Variants in PCCA observed in about 807,000 individuals in gnomAD.
The protein encoded by PCCA is propionyl-CoA carboxylase alpha chain, mitochondrial.
Under a neutral mutation model 101.3 loss-of-function variants are expected in PCCA, and 74 were observed. The observed-to-expected ratio is 0.73, with a 90% confidence interval of 0.61 to 0.89. The LOEUF is 0.89. Among genes scored for constraint, PCCA ranks in the 40% least tolerant of loss-of-function variants. PCCA has a pLI of 0.00. For missense variants in PCCA, 891 were observed against 907.0 expected (o/e 0.98, Z 0.23); for synonymous variants, 294 against 313.6 (o/e 0.94, Z 0.66).
chr13:100,360,169 C>G (rs972604386), intron 18 of PCCA, among the ~76,000 whole-genome samples: 1 of 151,680 alleles, frequency 6.6e-6, no homozygotes, highest in African/African-American at 2.4e-5. Flanking sequence ...GCAGGGAAAC[C>G]CCCCCCTTTT....
chr13:100,227,627 G>GT (rs1159620929), intron 7 of PCCA, among the ~76,000 whole-genome samples: 2 of 152,122 alleles, frequency 1.3e-5, no homozygotes, highest in African/African-American at 4.8e-5. Context: ...TTTTGGCATT[G>GT]TATTCTTAGT....
At chr13:100,339,171 G>T (rs914826751) in intron 17 of PCCA, among the ~76,000 whole-genome samples, 2 of 151,996 alleles carry the variant, frequency 1.3e-5, no homozygotes, top group Admixed American at 6.6e-5. Flanking sequence ...CAATGTAAAT[G>T]CTGTGTAAAT....
chr13:100,199,618 CATA>C (rs2058348871), intron 6 of PCCA, among the ~76,000 whole-genome samples: 1 of 152,176 alleles, frequency 6.6e-6, no homozygotes, highest in Non-Finnish European at 1.5e-5. Context: ...ATAGGAGGCA[CATA>C]ATGTCTTTTT....
chr13:100,196,485 T>C (rs1209221110), intron 6 of PCCA, among the ~76,000 whole-genome samples: 1 of 152,198 alleles, frequency 6.6e-6, no homozygotes, highest in African/African-American at 2.4e-5. Flanking sequence ...ACCACTGTTC[T>C]CTTTCCCTAA....
intron 7 of PCCA, among the ~76,000 whole-genome samples, chr13:100,226,222 A>C (rs1385667863): frequency 6.6e-6 from 1 of 152,204 alleles, no homozygotes; most frequent in African/African-American, 2.4e-5. Flanking sequence ...TTTATATATG[A>C]ATGCAGAATA....
At chr13:100,491,460 A>G (rs989563548) in intron 21 of PCCA, 30 of 270,462 alleles carry the variant, frequency 1.1e-4, no homozygotes, top group African/African-American at 4.3e-4. Context: ...CTTTGTTTGT[A>G]TGCCCCTAGT....
intron 16 of PCCA, among the ~76,000 whole-genome samples, chr13:100,322,148 A>G (rs77052149): frequency 6.6e-6 from 1 of 152,166 alleles, no homozygotes; most frequent in Non-Finnish European, 1.5e-5. Flanking sequence ...AGGTCATTCA[A>G]AGATACACAC....
intron 19 of PCCA, among the ~76,000 whole-genome samples, chr13:100,385,464 CAG>C (rs953546831): frequency 1.3e-5 from 2 of 152,060 alleles, no homozygotes; most frequent in African/African-American, 4.8e-5. Context: ...AAAAAATATT[CAG>C]AGACAGTTTA....
chr13:100,253,022 G>T (rs531407136), intron 8 of PCCA, among the ~76,000 whole-genome samples: 1 of 152,210 alleles, frequency 6.6e-6, no homozygotes, highest in Admixed American at 6.6e-5. Flanking sequence ...TTGTCATTAG[G>T]TTCTCAGTTT....
At chr13:100,099,898 G>T (rs908542529) in intron 1 of PCCA, among the ~76,000 whole-genome samples, 7 of 152,024 alleles carry the variant, frequency 4.6e-5, no homozygotes, top group African/African-American at 7.2e-5. Context: ...TCTAGGAAAT[G>T]TCAGAGCCAA....
At position 100,527,568 on chromosome 13, in the gene PCCA, A is replaced by G. The variant is rs1287965091; in HGVS notation, c.2041-107A>G. ...TAGAGATTGTTGCTGCTGTTCATAG[A>G]CACATATTTTGGGGCATTTGACAAA... On this transcript the variant is annotated intron_variant, in intron 22 of 23. Coordinates refer to ENST00000376285, the MANE Select transcript of PCCA (RefSeq NM_000282.4). 24 of 772,306 alleles carry G rather than the reference A, an allele frequency of 3.1e-5. No homozygotes were observed. In the Admixed American group the frequency reaches 4.1e-4, roughly 13 times the overall value. 47.8% of individuals were successfully genotyped at this position (772,306 alleles called of 1,614,324 possible).
chr13:100,278,477 G>A (rs903296513), intron 12 of PCCA, among the ~76,000 whole-genome samples: 40 of 143,940 alleles, frequency 2.8e-4, no homozygotes, highest in Non-Finnish European at 3.8e-4. Flanking sequence ...TATAAAACCC[G>A]ATAGTTGATT....
At chr13:100,456,484 G>A (rs951271359) in intron 21 of PCCA, among the ~76,000 whole-genome samples, 6 of 152,252 alleles carry the variant, frequency 3.9e-5, no homozygotes, top group African/African-American at 1.4e-4. Flanking sequence ...GGGCCTGGGG[G>A]ACCACTGCCA....
chr13:100,399,449 T>G (rs1453229540), intron 19 of PCCA, among the ~76,000 whole-genome samples: 1 of 152,194 alleles, frequency 6.6e-6, no homozygotes, highest in Non-Finnish European at 1.5e-5. Flanking sequence ...CAAAAATATA[T>G]TTTTTGAAAA....
At chr13:100,469,215 A>AAAAAAAAAAAAAG (rs1555307955) in intron 21 of PCCA, among the ~76,000 whole-genome samples, 3 of 149,536 alleles carry the variant, frequency 2.0e-5, no homozygotes, top group Admixed American at 1.3e-4. Flanking sequence ...CCGTCTCAAA[A>AAAAAAAAAAAAAG]AAAAAAAAAA....
intron 12 of PCCA, among the ~76,000 whole-genome samples, chr13:100,282,904 T>TC (rs2064255212): frequency 6.6e-6 from 1 of 150,746 alleles, no homozygotes; most frequent in Non-Finnish European, 1.5e-5. Flanking sequence ...TCCTCTAATC[T>TC]CCCCCCGCCC....
chr13:100,247,033 T>A (rs2061474116), intron 8 of PCCA, among the ~76,000 whole-genome samples: 1 of 150,624 alleles, frequency 6.6e-6, no homozygotes, highest in Admixed American at 6.6e-5. Context: ...CTCAGCCTCC[T>A]GAGTAGCTGG....
At chr13:100,444,200 CA>C (rs143103449) in intron 20 of PCCA, among the ~76,000 whole-genome samples, 4,748 of 112,010 alleles carry the variant, frequency 0.042, 253 homozygotes, top group African/African-American at 0.16. Context: ...CATCAGCCCA[CA>C]ATTTTTTTTT....
At position 100,135,033 on chromosome 13, in the gene PCCA, A is replaced by C. The variant is rs144500611; in HGVS notation, c.301-19946A>C. On this transcript the variant is annotated intron_variant, in intron 4 of 23. Transcript: ENST00000376285. ...CTCCCAACTGTAGGTACATGCCACCATGCCCAGCTTGTACTGTTTTGTTAG... is the reference window on the plus strand; with the variant it reads ...CTCCCAACTGTAGGTACATGCCACCCTGCCCAGCTTGTACTGTTTTGTTAG... Among the ~76,000 whole-genome samples the C allele has an allele frequency of 1.7e-3, 261 of 151,832 alleles. 2 individuals carry two copies. The highest frequency in any genetic ancestry group is 6.1e-3 in the African/African-American group (251 of 41,442).
Sources: gnomAD v4.1 joint callset for allele counts (sites outside exome capture counted in the v4.1 genomes callset) on GRCh38, gnomAD v4.1.1 for gene constraint, MANE v1.5 for transcripts, NCBI Gene and HGNC (gene_info 2026-07-23, HGNC 2026-07-21) for gene names.